Variants in UBA6 observed in about 807,000 individuals in gnomAD.
The protein encoded by UBA6 is ubiquitin like modifier activating enzyme 6.
In UBA6, 87 loss-of-function variants were observed where a neutral mutation model predicts 148.3. The ratio of observed to expected loss-of-function variants is 0.59; its 90% confidence interval spans 0.49 to 0.70. The LOEUF (loss-of-function observed/expected upper bound fraction) is 0.70, where lower values mean the gene tolerates loss of function less well. Among genes scored for constraint, UBA6 ranks in the 30% least tolerant of loss-of-function variants. The pLI is 0.00. For missense variants in UBA6, 1,186 were observed against 1,241.2 expected, an observed-to-expected ratio of 0.96 and a Z score of 0.67; for synonymous variants, 376 against 401.0, an observed-to-expected ratio of 0.94 and a Z score of 0.75.
At chr4:67,693,283 T>G (rs912698584) in intron 2 of UBA6, among the ~76,000 whole-genome samples, 2 of 152,054 alleles carry the variant, frequency 1.3e-5, no homozygotes, top group African/African-American at 4.8e-5. Context: ...CTTACATGAT[T>G]TTCTTAACAT....
Position 67,646,808 on chromosome 4 carries a change from A to G in UBA6, c.1249-17T>C. The G allele has an allele frequency of 6.4e-7, 1 of 1,550,978 alleles. No homozygotes were observed. Among genetic ancestry groups the G allele is most frequent in the East Asian group, 2.3e-5 (1 of 43,596 alleles). On this transcript the variant is annotated splice_polypyrimidine_tract_variant and intron_variant, in intron 14 of 32. Coordinates refer to ENST00000322244, the MANE Select transcript of UBA6 (RefSeq NM_018227.6). ...AAGATATAACTTAAAGTAGAAGATT[A>G]AAAACACAATTATTATGTATAAAAC...
At chr4:67,629,253 T>C (rs1577791346) in intron 26 of UBA6, 111 bp from the exon 27 acceptor site, 1 of 701,508 alleles carries the variant, frequency 1.4e-6, no homozygotes, top group Non-Finnish European at 2.5e-6. Context: ...TATTTCATTA[T>C]CTGAATATGT....
At chr4:67,628,424 G>C (rs1398686903) in intron 27 of UBA6, among the ~76,000 whole-genome samples, 1 of 151,634 alleles carries the variant, frequency 6.6e-6, no homozygotes, top group Admixed American at 6.6e-5. Context: ...TGCCTACATT[G>C]CTCTTTCACT....
In UBA6 at chr4:67,613,764, T is replaced by C. The variant is rs908017712; in HGVS notation, c.*5233A>G. On this transcript the variant is annotated 3_prime_UTR_variant, in exon 33 of 33. Coordinates refer to ENST00000322244, the MANE Select transcript of UBA6 (RefSeq NM_018227.6). ...CTGGGGAGTCATGCTCTACAAACCA[T>C]AAATTCTCATCAGATGGGTTTTATT... 6.6e-6 allele frequency: 1 copy of C among 152,212 alleles called. No individual in the cohort carries two copies. Among genetic ancestry groups the C allele is most frequent in the Non-Finnish European group, 1.5e-5 (1 of 68,038 alleles). 9.4% of individuals were successfully genotyped at this position (152,212 alleles called of 1,614,324 possible). A position where few individuals can be genotyped will look rare whatever the true frequency, so the allele number is the denominator to read the frequency against.
chr4:67,623,375 AT>A (rs1208887011), intron 30 of UBA6, among the ~76,000 whole-genome samples, 153 bp from the exon 31 acceptor site: 1 of 152,156 alleles, frequency 6.6e-6, no homozygotes, highest in Admixed American at 6.5e-5. Flanking sequence ...ATCTTCTAAA[AT>A]ATTCCATAAT....
intron 14 of UBA6, among the ~76,000 whole-genome samples, chr4:67,647,324 T>G (rs536052756): frequency 6.6e-6 from 1 of 152,212 alleles, no homozygotes; most frequent in South Asian, 2.1e-4. Context: ...TTTTGTATTT[T>G]TAGTAGACAT....
At chr4:67,622,123 G>A (rs1728765700) in intron 32 of UBA6, among the ~76,000 whole-genome samples, 1 of 152,172 alleles carries the variant, frequency 6.6e-6, no homozygotes, top group South Asian at 2.1e-4. Context: ...ATATTGTGAA[G>A]GGAAAGTAAG....
At position 67,665,120 on chromosome 4, in the gene UBA6, GTTAT is replaced by G. The variant is rs1469300756; in HGVS notation, c.897+65_897+68del. The G allele has an allele frequency of 8.6e-5, 78 of 907,120 alleles. 1 individual carries two copies. The Admixed American group carries it at 8.9e-4, about 10-fold the overall frequency. The allele number at this position is 907,120 out of a possible 1,614,324, so 56.2% of individuals were successfully genotyped here. A position where few individuals can be genotyped will look rare whatever the true frequency, so the allele number is the denominator to read the frequency against. On this transcript the variant is annotated intron_variant, in intron 10 of 32. Coordinates refer to ENST00000322244, the MANE Select transcript of UBA6 (RefSeq NM_018227.6). ...TTTAATCTGTTTGGTTAACTGAGTA[GTTAT>G]TTGTCTCTTCTGCCTTTCTTTTTCT...
At chr4:67,696,286 C>T (rs1182427489) in intron 2 of UBA6, among the ~76,000 whole-genome samples, 1 of 151,972 alleles carries the variant, frequency 6.6e-6, no homozygotes, top group African/African-American at 2.4e-5. Context: ...CCTTCTTAGT[C>T]CTATCACCTA....
At chr4:67,683,654 A>C (rs894215529) in intron 2 of UBA6, among the ~76,000 whole-genome samples, 2 of 151,818 alleles carry the variant, frequency 1.3e-5, no homozygotes, top group African/African-American at 4.8e-5. Flanking sequence ...TCTTCTTCCA[A>C]TGTGGCCCAG....
In UBA6 at chr4:67,653,812, C is replaced by G. The variant is rs564766154; in HGVS notation, c.1105-4601G>C. ...GAAAAAGGGTTAGAAGAATTGCTAA[C>G]TAGAATAAACAGTGTAGAGAAGACC... On this transcript the variant is annotated intron_variant, in intron 13 of 32. Coordinates refer to ENST00000322244, the MANE Select transcript of UBA6 (RefSeq NM_018227.6). 3.3e-5 allele frequency among the ~76,000 whole-genome samples: 5 copies of G among 152,202 alleles called. No individual in the cohort carries two copies. In the South Asian group the frequency reaches 1.0e-3, roughly 32 times the overall value.
intron 19 of UBA6, among the ~76,000 whole-genome samples, chr4:67,637,276 C>T (rs1454368592): frequency 6.7e-5 from 10 of 149,598 alleles, no homozygotes; most frequent in African/African-American, 2.2e-4. Flanking sequence ...AGGTGGAGGG[C>T]AGCCCCTGCC....
At chr4:67,621,080 A>C (rs1306700822) in intron 32 of UBA6, among the ~76,000 whole-genome samples, 2 of 152,248 alleles carry the variant, frequency 1.3e-5, no homozygotes, top group African/African-American at 4.8e-5. Flanking sequence ...AACCTGCCGC[A>C]AATTTTAAAC....
intron 12 of UBA6, 110 bp downstream of exon 12, chr4:67,663,029 T>C (rs1440954375): frequency 9.3e-6 from 6 of 644,584 alleles, no homozygotes; most frequent in African/African-American, 1.9e-5. Context: ...CAGCTTGGTA[T>C]ATCTATTGGT....
In UBA6 at chr4:67,624,249, G is replaced by C; in HGVS notation, c.2717C>G (p.Ala906Gly). Residue 906 changes from alanine to glycine, a missense_variant, in exon 30 of 33, where the codon GCC (alanine) becomes GGC (glycine). Coordinates refer to ENST00000322244, the MANE Select transcript of UBA6 (RefSeq NM_018227.6). ...ACCAGTTACTTTGATCATCTCCAAG[G>C]CAACCTAGATAAAAGAAGGTGATCT... Reference protein sequence around the residue: ...TTTATVSGLVALEMIKVTGGY... With the variant: ...TTTATVSGLVGLEMIKVTGGY... 6.3e-7 allele frequency: 1 copy of C among 1,598,412 alleles called. No homozygotes were observed.
chr4:67,672,496 T>A (rs1255781854), intron 7 of UBA6, among the ~76,000 whole-genome samples: 2 of 152,192 alleles, frequency 1.3e-5, no homozygotes, highest in East Asian at 3.8e-4. Context: ...ACAATTATAG[T>A]CTTCTCTCCA....
intron 13 of UBA6, among the ~76,000 whole-genome samples, chr4:67,660,697 T>C (rs1729828023): frequency 6.6e-6 from 1 of 152,180 alleles, no homozygotes; most frequent in Non-Finnish European, 1.5e-5. Context: ...AGAGTCCCCA[T>C]TGGCACTGCC....
At chr4:67,666,063 C>A (rs986803734) in intron 9 of UBA6, among the ~76,000 whole-genome samples, 2 of 152,152 alleles carry the variant, frequency 1.3e-5, no homozygotes, top group Non-Finnish European at 2.9e-5. Context: ...TGGCATGTGC[C>A]TGTAGTCCCA....
chr4:67,657,322 T>G (rs1481692629), intron 13 of UBA6, among the ~76,000 whole-genome samples: 2 of 152,214 alleles, frequency 1.3e-5, no homozygotes, highest in African/African-American at 4.8e-5. Context: ...ATGGTACTGG[T>G]ACCAGAACAG....
Sources: gnomAD v4.1 joint callset for allele counts (sites outside exome capture counted in the v4.1 genomes callset) on GRCh38, gnomAD v4.1.1 for gene constraint, MANE v1.5 for transcripts, NCBI Gene and HGNC (gene_info 2026-07-23, HGNC 2026-07-21) for gene names.